Variants in PDGFC observed in about 807,000 individuals in gnomAD.
PDGFC encodes platelet derived growth factor C.
A neutral mutation model predicts 35.5 loss-of-function variants in PDGFC; 12 were observed. That is an observed-to-expected ratio of 0.34 (90% CI 0.22 to 0.55). The LOEUF is 0.55. PDGFC is among the 20% of genes least tolerant of loss of function. The pLI is 0.91. For missense variants in PDGFC, 322 were observed against 412.4 expected, an observed-to-expected ratio of 0.78 and a Z score of 1.90; for synonymous variants, 159 against 148.8, an observed-to-expected ratio of 1.07 and a Z score of -0.50.
chr4:156,955,832 TCTTA>T (rs1393516922), intron 1 of PDGFC, among the ~76,000 whole-genome samples: 4 of 151,988 alleles, frequency 2.6e-5, no homozygotes, highest in Admixed American at 2.0e-4. Flanking sequence ...AATTTTTCAA[TCTTA>T]CTTCTCACCA....
chr4:156,888,602 TTC>T (rs1730431137), intron 1 of PDGFC, among the ~76,000 whole-genome samples: 1 of 152,170 alleles, frequency 6.6e-6, no homozygotes, highest in South Asian at 2.1e-4. Flanking sequence ...TGTTACTGGT[TTC>T]TTTTACCTGT....
chr4:156,878,979 C>T (rs1363181020), intron 1 of PDGFC, among the ~76,000 whole-genome samples: 1 of 152,180 alleles, frequency 6.6e-6, no homozygotes. Context: ...ACATGTTTGA[C>T]TTTAAATCTT....
At chr4:156,826,034 A>C (rs1368486451) in intron 2 of PDGFC, among the ~76,000 whole-genome samples, 3 of 151,140 alleles carry the variant, frequency 2.0e-5, no homozygotes, top group Non-Finnish European at 4.4e-5. Flanking sequence ...AGGCCAGGTT[A>C]ATTTTTCAAA....
chr4:156,766,219 T>C (rs1275626540), intron 5 of PDGFC, among the ~76,000 whole-genome samples: 2 of 152,158 alleles, frequency 1.3e-5, no homozygotes, highest in Non-Finnish European at 2.9e-5. Flanking sequence ...GAATTAGTCA[T>C]GCTAGGACTG....
Position 156,946,582 on chromosome 4 carries a change from C to T in PDGFC, c.118+24204G>A, listed in dbSNP as rs184217313. Among the ~76,000 whole-genome samples, 1,212 of 152,044 alleles carry T rather than the reference C, an allele frequency of 8.0e-3. 15 individuals carry two copies. The highest frequency in any genetic ancestry group is 0.011 in the Non-Finnish European group (724 of 67,950). Reference sequence around the variant, plus strand: ...GTGAGCTCAAATTTGCCTAGGTCCCCGAAGGAAGAGCTACTGTCTTTTCTC... The same window carrying T: ...GTGAGCTCAAATTTGCCTAGGTCCCTGAAGGAAGAGCTACTGTCTTTTCTC... On this transcript the variant is annotated intron_variant, in intron 1 of 5. Transcript: ENST00000502773.
chr4:156,913,857 G>T (rs936513443), intron 1 of PDGFC, among the ~76,000 whole-genome samples: 4 of 152,144 alleles, frequency 2.6e-5, no homozygotes, highest in Non-Finnish European at 5.9e-5. Context: ...CCTTGGTTGA[G>T]GTTCAGGCTT....
At chr4:156,906,725 T>G (rs1730923827) in intron 1 of PDGFC, among the ~76,000 whole-genome samples, 1 of 152,212 alleles carries the variant, frequency 6.6e-6, no homozygotes, top group Admixed American at 6.5e-5. Flanking sequence ...GCATTTCCTC[T>G]TTGCAGACTT....
intron 1 of PDGFC, among the ~76,000 whole-genome samples, chr4:156,952,878 A>C (rs1732116675): frequency 6.6e-6 from 1 of 151,952 alleles, no homozygotes; most frequent in African/African-American, 2.4e-5. Context: ...GGCATAAAAA[A>C]CACTGAATAA....
chr4:156,920,775 A>G (rs17231698), intron 1 of PDGFC, among the ~76,000 whole-genome samples: 5,429 of 152,148 alleles, frequency 0.036, 107 homozygotes, highest in Middle Eastern at 0.061. Flanking sequence ...TAAAAACTAT[A>G]ATTGCCAACC....
intron 1 of PDGFC, among the ~76,000 whole-genome samples, chr4:156,911,544 C>CTATATATA (rs1731040890): frequency 6.6e-6 from 1 of 151,932 alleles, no homozygotes; most frequent in Non-Finnish European, 1.5e-5. Context: ...ATATACTAGA[C>CTATATATA]TTTATGCTAT....
chr4:156,784,447 A>C (rs1731065307), intron 3 of PDGFC, among the ~76,000 whole-genome samples: 1 of 152,236 alleles, frequency 6.6e-6, no homozygotes, highest in Admixed American at 6.5e-5. Flanking sequence ...CACTGTAGCT[A>C]TTCCACAGGT....
rs72976535 is a variant in PDGFC, at chr4:156,937,855, T to C, written c.118+32931A>G. The stretch of plus-strand genomic sequence containing the variant: ...CAAATGTATTTCAGTAGCAACTTGA[T>C]TCATGGTGGAAAAAAAAATTACCTT... On this transcript the variant is annotated intron_variant, in intron 1 of 5. Transcript: ENST00000502773. Among the ~76,000 whole-genome samples, 941 of 152,238 alleles carry C rather than the reference T, an allele frequency of 6.2e-3. 9 individuals carry two copies. The highest frequency in any genetic ancestry group is 0.021 in the African/African-American group (879 of 41,546).
At chr4:156,853,672 A>G (rs912545135) in intron 1 of PDGFC, among the ~76,000 whole-genome samples, 1 of 152,224 alleles carries the variant, frequency 6.6e-6, no homozygotes, top group East Asian at 1.9e-4. Context: ...TTAAGAAAAT[A>G]ATGCTCGGCC....
At chr4:156,821,955 A>G (rs1370641920) in intron 2 of PDGFC, among the ~76,000 whole-genome samples, 1 of 152,218 alleles carries the variant, frequency 6.6e-6, no homozygotes, top group Non-Finnish European at 1.5e-5. Flanking sequence ...TTTATAATCT[A>G]TCTGGAACTA....
At chr4:156,792,356 T>A (rs1190451610) in intron 3 of PDGFC, among the ~76,000 whole-genome samples, 1 of 152,202 alleles carries the variant, frequency 6.6e-6, no homozygotes, top group Non-Finnish European at 1.5e-5. Flanking sequence ...AGTAGTGTAT[T>A]GGTGGGACAC....
intron 1 of PDGFC, among the ~76,000 whole-genome samples, chr4:156,905,166 T>C: frequency 6.6e-6 from 1 of 152,078 alleles, no homozygotes; most frequent in East Asian, 1.9e-4. Flanking sequence ...GATTGAGAAA[T>C]AAATACTAAT....
chr4:156,824,133 T>C (rs1732353629), intron 2 of PDGFC, among the ~76,000 whole-genome samples: 1 of 151,702 alleles, frequency 6.6e-6, no homozygotes, highest in South Asian at 2.1e-4. Context: ...AAGTTTTCGT[T>C]AGACTGTAGG....
chr4:156,838,499 C>G (rs1299548912), intron 2 of PDGFC, among the ~76,000 whole-genome samples: 1 of 151,518 alleles, frequency 6.6e-6, no homozygotes, highest in Non-Finnish European at 1.5e-5. Context: ...TTGACACTTT[C>G]ATGACTTTCT....
chr4:156,824,321 T>TATATATATAC (rs1732370622), intron 2 of PDGFC, among the ~76,000 whole-genome samples: 1 of 96,256 alleles, frequency 1.0e-5, no homozygotes, highest in Non-Finnish European at 2.0e-5. Context: ...TATATATATA[T>TATATATATAC]ATATATACAC....
Sources: gnomAD v4.1 joint callset for allele counts (sites outside exome capture counted in the v4.1 genomes callset) on GRCh38, gnomAD v4.1.1 for gene constraint, MANE v1.5 for transcripts, NCBI Gene and HGNC (gene_info 2026-07-23, HGNC 2026-07-21) for gene names.